Variants in AP3B1 observed in about 807,000 individuals in gnomAD.
AP3B1 encodes adaptor related protein complex 3 subunit beta 1.
Under a neutral mutation model 132.5 loss-of-function variants are expected in AP3B1, and 61 were observed. The observed-to-expected ratio is 0.46, with a 90% confidence interval of 0.37 to 0.57. The LOEUF (loss-of-function observed/expected upper bound fraction) is 0.57, where lower values mean the gene tolerates loss of function less well. AP3B1 is among the 20% of genes least tolerant of loss of function. The pLI is 0.00. For missense variants in AP3B1, 1,120 were observed against 1,289.4 expected (o/e 0.87, Z 2.01); for synonymous variants, 388 against 438.3 (o/e 0.89, Z 1.43).
intron 23 of AP3B1, among the ~76,000 whole-genome samples, chr5:78,035,017 C>CA (rs1474138598): frequency 6.6e-6 from 1 of 151,476 alleles, no homozygotes; most frequent in African/African-American, 2.4e-5. Context: ...ATTAAATACT[C>CA]AAAAAAATTT....
rs115986583 is a variant in AP3B1 at position 78,282,045 on chromosome 5, T to G, written c.128+12407A>C. ...CAATAACCATCCTTCGTCCTCTACC[T>G]GAAAGCCAAAGTTCTTCGGAGAAGT... On this transcript the variant is annotated intron_variant, in intron 1 of 26. Transcript: ENST00000255194. Among the ~76,000 whole-genome samples the G allele has an allele frequency of 6.5e-3, 986 of 152,322 alleles. 7 individuals are homozygous for G. The highest frequency in any genetic ancestry group is 0.022 in the African/African-American group (927 of 41,560).
intron 7 of AP3B1, among the ~76,000 whole-genome samples, chr5:78,183,608 G>A (rs1188390599): frequency 1.3e-5 from 2 of 152,182 alleles, no homozygotes; most frequent in African/African-American, 2.4e-5. Flanking sequence ...AGTGACCCAT[G>A]CCTGTCATCC....
At chr5:78,065,880 G>C (rs531961078) in intron 22 of AP3B1, among the ~76,000 whole-genome samples, 2 of 152,318 alleles carry the variant, frequency 1.3e-5, no homozygotes, top group African/African-American at 4.8e-5. Context: ...TCTTCCAACA[G>C]GGGTCGCTAG....
At chr5:78,111,910 A>G (rs988341340) in intron 19 of AP3B1, among the ~76,000 whole-genome samples, 3 of 152,230 alleles carry the variant, frequency 2.0e-5, no homozygotes, top group African/African-American at 7.2e-5. Context: ...TCAAGGGCAC[A>G]TAACAAGAGG....
At chr5:78,292,647 T>C (rs1234275309) in intron 1 of AP3B1, among the ~76,000 whole-genome samples, 1 of 152,132 alleles carries the variant, frequency 6.6e-6, no homozygotes, top group Non-Finnish European at 1.5e-5. Context: ...GAAAACTGAA[T>C]GAGATAATAA....
rs1271769654 is a variant in AP3B1 at position 78,177,380 on chromosome 5, G to A, written c.999C>T (p.Gly333=). Residue 333 remains glycine (G), a synonymous_variant, in exon 9 of 27, where the codon GGC becomes GGT. Coordinates refer to ENST00000255194, the MANE Select transcript of AP3B1 (RefSeq NM_003664.5). ...YWHISPKSEA[G]IISKSLVRLL... ...AACGCACTAGTGATTTAGAAATTATGCCAGCTTCAGATTTTGGTGATATGT... is the reference window on the plus strand; with the variant it reads ...AACGCACTAGTGATTTAGAAATTATACCAGCTTCAGATTTTGGTGATATGT... 6.2e-7 allele frequency: 1 copy of A among 1,613,744 alleles called. No individual in the cohort carries two copies. Among genetic ancestry groups the A allele is most frequent in the Non-Finnish European group, 8.5e-7 (1 of 1,179,862 alleles).
At chr5:78,286,235 C>G (rs962754970) in intron 1 of AP3B1, among the ~76,000 whole-genome samples, 1 of 152,168 alleles carries the variant, frequency 6.6e-6, no homozygotes, top group African/African-American at 2.4e-5. Context: ...TGATGCCTAG[C>G]TCTGCCAACC....
At chr5:78,219,288 C>A (rs1746084645) in intron 6 of AP3B1, among the ~76,000 whole-genome samples, 1 of 151,990 alleles carries the variant, frequency 6.6e-6, no homozygotes, top group South Asian at 2.1e-4. Flanking sequence ...GAAATAAATA[C>A]CACTCTGCTT....
intron 20 of AP3B1, among the ~76,000 whole-genome samples, chr5:78,109,059 A>G (rs1457508406): frequency 2.0e-5 from 3 of 152,168 alleles, no homozygotes; most frequent in African/African-American, 7.2e-5. Context: ...TGTAAGTATG[A>G]AATGAGAGTA....
intron 7 of AP3B1, among the ~76,000 whole-genome samples, chr5:78,182,583 A>G (rs1039896992): frequency 6.6e-6 from 1 of 152,136 alleles, no homozygotes; most frequent in African/African-American, 2.4e-5. Context: ...TATATCCACA[A>G]CTCGGTGCAG....
intron 7 of AP3B1, among the ~76,000 whole-genome samples, chr5:78,207,472 A>G (rs1293845564): frequency 1.3e-5 from 2 of 152,078 alleles, no homozygotes; most frequent in African/African-American, 2.4e-5. Flanking sequence ...TTCTAAAAAT[A>G]TGATGGACAT....
intron 17 of AP3B1, among the ~76,000 whole-genome samples, chr5:78,118,247 C>A (rs1191250403): frequency 6.6e-6 from 1 of 152,162 alleles, no homozygotes; most frequent in Non-Finnish European, 1.5e-5. Context: ...GTCTACAGCT[C>A]CCAGCGTGAG....
chr5:78,023,524 G>C (rs1747198288), intron 24 of AP3B1, among the ~76,000 whole-genome samples: 1 of 152,180 alleles, frequency 6.6e-6, no homozygotes, highest in Non-Finnish European at 1.5e-5. Flanking sequence ...TCTGGAAGCA[G>C]TAAGAATGGT....
chr5:78,273,101 C>T (rs1207666099), intron 1 of AP3B1, among the ~76,000 whole-genome samples: 1 of 138,472 alleles, frequency 7.2e-6, no homozygotes, highest in African/African-American at 2.5e-5. Context: ...AAGAGAAGCA[C>T]AAAAAGTGAG....
At chr5:78,278,370 C>A (rs1337442648) in intron 1 of AP3B1, among the ~76,000 whole-genome samples, 1 of 91,992 alleles carries the variant, frequency 1.1e-5, no homozygotes, top group Non-Finnish European at 2.9e-5. Context: ...GAGGCCGAGG[C>A]GGGCGGATCA....
chr5:78,220,709 A>G (rs1222780206), intron 6 of AP3B1, among the ~76,000 whole-genome samples: 1 of 151,348 alleles, frequency 6.6e-6, no homozygotes, highest in Non-Finnish European at 1.5e-5. Context: ...AAAAAAAAAA[A>G]GTAAGGGGAG....
intron 11 of AP3B1, among the ~76,000 whole-genome samples, chr5:78,168,707 C>T (rs1032558597): frequency 2.0e-5 from 3 of 152,076 alleles, no homozygotes; most frequent in African/African-American, 7.2e-5. Context: ...TACAGTACAA[C>T]GAAGAAAATC....
chr5:78,101,345 G>T (rs1270121558), intron 20 of AP3B1: 1 of 456,274 alleles, frequency 2.2e-6, no homozygotes, highest in Non-Finnish European at 4.3e-6. Context: ...CTCTTTGGTA[G>T]AAAGTCCACA....
At chr5:78,155,723 T>C (rs563758611) in intron 14 of AP3B1, among the ~76,000 whole-genome samples, 1 of 152,036 alleles carries the variant, frequency 6.6e-6, no homozygotes, top group Non-Finnish European at 1.5e-5. Flanking sequence ...GAAGGGAGAC[T>C]GGGCAGTCTC....
Sources: allele counts gnomAD v4.1 joint callset (sites outside exome capture counted in the v4.1 genomes callset), GRCh38; gene constraint gnomAD v4.1.1; transcripts MANE v1.5; gene names NCBI Gene and HGNC (gene_info 2026-07-23, HGNC 2026-07-21).